Variants in EIF2A observed in about 807,000 individuals in gnomAD.
The protein encoded by EIF2A is 65 kDa eukaryotic translation initiation factor 2A.
In EIF2A, 62 loss-of-function variants were observed where a neutral mutation model predicts 75.2. The ratio of observed to expected loss-of-function variants is 0.82; its 90% confidence interval spans 0.67 to 1.02. The LOEUF (loss-of-function observed/expected upper bound fraction) is 1.02, where lower values mean the gene tolerates loss of function less well. Ranked by LOEUF, EIF2A falls within the 50% of genes least tolerant of loss-of-function variation. EIF2A has a pLI of 0.00. For synonymous variants in EIF2A, 207 were observed against 239.0 expected (o/e 0.87, Z 1.23); for missense variants, 611 against 677.7 (o/e 0.90, Z 1.09).
At chr3:150,564,539 C>T in intron 6 of EIF2A, 158 bp downstream of exon 6, 2 of 493,244 alleles carry the variant, frequency 4.1e-6, no homozygotes, top group Non-Finnish European at 6.7e-6. Context: ...AGTCTGAATT[C>T]AGTGAAAATC....
intron 11 of EIF2A, among the ~76,000 whole-genome samples, chr3:150,578,962 A>G (rs976382034): frequency 1.3e-5 from 2 of 152,228 alleles, no homozygotes; most frequent in African/African-American, 4.8e-5. Context: ...TAAGAATTTA[A>G]TCTTACCATA....
intron 9 of EIF2A, 41 bp downstream of exon 9, chr3:150,568,333 T>A (rs1428472251): frequency 4.8e-6 from 7 of 1,461,812 alleles, no homozygotes; most frequent in Non-Finnish European, 6.6e-6. Flanking sequence ...GAAACAATGA[T>A]AGTAAAAAAT....
At chr3:150,578,605 G>GT (rs34962735) in intron 11 of EIF2A, among the ~76,000 whole-genome samples, 15 of 151,992 alleles carry the variant, frequency 9.9e-5, no homozygotes, top group African/African-American at 3.4e-4. Flanking sequence ...ACCTACACAC[G>GT]TTTTTTACTA....
chr3:150,567,393 A>G (rs1423589813), intron 6 of EIF2A: 1 of 246,178 alleles, frequency 4.1e-6, no homozygotes, highest in African/African-American at 2.2e-5. Context: ...GACATTTATC[A>G]AATACCTACC....
chr3:150,582,007 C>CT lies in EIF2A; in HGVS notation c.1626+272dup, dbSNP rs917755613. On this transcript the variant is annotated intron_variant, in intron 12 of 13. Transcript: ENST00000460851. The stretch of plus-strand genomic sequence containing the variant: ...CATCAGCATAGAAATATACTGAACA[C>CT]TTTTTTTTTTTGAGACGGAGTCTTG... 8.1e-3 allele frequency among the ~76,000 whole-genome samples: 1,193 copies of CT among 147,374 alleles called. 2 individuals carry two copies. Among genetic ancestry groups the CT allele is most frequent in the Admixed American group, 0.011 (158 of 14,706 alleles).
At chr3:150,561,731 T>C (rs891686072) in intron 3 of EIF2A, among the ~76,000 whole-genome samples, 1 of 152,128 alleles carries the variant, frequency 6.6e-6, no homozygotes, top group African/African-American at 2.4e-5. Flanking sequence ...ATCATCCATG[T>C]GTCTTCTATT....
At chr3:150,557,815 G>T in intron 2 of EIF2A, 1 of 260,432 alleles carries the variant, frequency 3.8e-6, no homozygotes, top group Non-Finnish European at 7.7e-6. Context: ...TGCAAAGATA[G>T]TGTAAGGGAT....
intron 11 of EIF2A, among the ~76,000 whole-genome samples, chr3:150,581,221 T>C (rs374767748): frequency 9.2e-5 from 14 of 152,354 alleles, no homozygotes; most frequent in South Asian, 8.3e-4. Context: ...GTAGGATTCT[T>C]ATTCTTGTAG....
At chr3:150,575,798 G>C in intron 11 of EIF2A, 36 bp downstream of exon 11, 2 of 1,550,830 alleles carry the variant, frequency 1.3e-6, no homozygotes, top group Non-Finnish European at 1.8e-6. Context: ...AAAACAAATA[G>C]TCAGTTATGG....
At chr3:150,554,546 CA>C (rs1441294965) in intron 2 of EIF2A, among the ~76,000 whole-genome samples, 1 of 152,002 alleles carries the variant, frequency 6.6e-6, no homozygotes, top group Admixed American at 6.5e-5. Flanking sequence ...GCTCTCTTTC[CA>C]AATGTTCGGA....
intron 1 of EIF2A, among the ~76,000 whole-genome samples, chr3:150,548,960 T>G (rs1723181712): frequency 6.6e-6 from 1 of 152,208 alleles, no homozygotes; most frequent in Admixed American, 6.5e-5. Flanking sequence ...ACATTCTCAG[T>G]GTACATATTT....
At position 150,562,581 on chromosome 3, in the gene EIF2A, C is replaced by T; in HGVS notation, c.213C>T (p.His71=). 1 of 1,613,558 alleles carries T rather than the reference C, an allele frequency of 6.2e-7. No homozygotes were observed. The highest frequency in any genetic ancestry group is 1.1e-5 in the South Asian group (1 of 91,050). Reference sequence around the variant, plus strand: ...GTGTCACTAACAAGGGACTACTGCACTCCTTCGACCTCCTGAAGGCAGTTT... The same window carrying T: ...GTGTCACTAACAAGGGACTACTGCATTCCTTCGACCTCCTGAAGGCAGTTT... ...IISVTNKGLL[H]SFDLLKAVCL... The change falls in exon 4 of 14, where the codon CAC becomes CAT. Residue 71 remains histidine, a synonymous_variant. Coordinates refer to ENST00000460851, the MANE Select transcript of EIF2A (RefSeq NM_032025.5).
intron 11 of EIF2A, among the ~76,000 whole-genome samples, chr3:150,580,662 T>C (rs1340870517): frequency 6.6e-6 from 1 of 152,182 alleles, no homozygotes; most frequent in East Asian, 1.9e-4. Context: ...CTTTCACCTT[T>C]TCACTTAAAG....
intron 10 of EIF2A, among the ~76,000 whole-genome samples, chr3:150,574,787 T>C (rs1576603773): frequency 6.6e-6 from 1 of 152,256 alleles, no homozygotes; most frequent in Non-Finnish European, 1.5e-5. Context: ...AATGCGGATC[T>C]GAGACCTAGT....
chr3:150,574,332 G>A (rs929284899), intron 10 of EIF2A, among the ~76,000 whole-genome samples: 12 of 152,074 alleles, frequency 7.9e-5, no homozygotes, highest in Non-Finnish European at 1.3e-4. Context: ...CAAGTGAAAG[G>A]CTCTCAGTGG....
chr3:150,558,521 T>A, intron 3 of EIF2A, 59 bp downstream of exon 3: 1 of 1,339,542 alleles, frequency 7.5e-7, no homozygotes, highest in Non-Finnish European at 9.8e-7. Flanking sequence ...CAACTGGCAT[T>A]ATTTGAATAA....
At chr3:150,564,126 T>C (rs1421594995) in intron 5 of EIF2A, among the ~76,000 whole-genome samples, 173 bp from the exon 6 acceptor site, 1 of 152,204 alleles carries the variant, frequency 6.6e-6, no homozygotes, top group African/African-American at 2.4e-5. Flanking sequence ...GCCTTTTCTA[T>C]TAACATATAT....
At chr3:150,566,622 T>C (rs1017488924) in intron 6 of EIF2A, 1 of 152,204 alleles carries the variant, frequency 6.6e-6, no homozygotes, top group African/African-American at 2.4e-5. Flanking sequence ...TTCTATCTTA[T>C]TTGTATTGCC....
intron 11 of EIF2A, among the ~76,000 whole-genome samples, chr3:150,580,342 A>G (rs1371685817): frequency 3.3e-5 from 5 of 152,192 alleles, no homozygotes; most frequent in Non-Finnish European, 7.3e-5. Flanking sequence ...AGACTGTGAT[A>G]CACAGTAAGA....
Sources: allele counts gnomAD v4.1 joint callset (sites outside exome capture counted in the v4.1 genomes callset), GRCh38; gene constraint gnomAD v4.1.1; transcripts MANE v1.5; gene names NCBI Gene and HGNC (gene_info 2026-07-23, HGNC 2026-07-21).